The following UPF3B variants were observed in gnomAD, a reference collection of about 807,000 sequenced individuals.
UPF3B encodes the protein UPF3B regulator of nonsense mediated mRNA decay.
In UPF3B, 7 loss-of-function variants were observed where a neutral mutation model predicts 40.3. The observed-to-expected ratio is 0.17, with a 90% CI of 0.10 to 0.33. The LOEUF (loss-of-function observed/expected upper bound fraction) is 0.33. Ranked by LOEUF, UPF3B falls within the 10% of genes least tolerant of loss-of-function variation. The pLI, the probability that UPF3B is intolerant of heterozygous loss-of-function variation, is 1.00. For synonymous variants in UPF3B, 117 were observed against 117.3 expected, an observed-to-expected ratio of 1.00 and a Z score of 0.01; for missense variants, 229 against 358.9, an observed-to-expected ratio of 0.64 and a Z score of 2.93.
chrX:119,817,126 C>T (rs959198576), intron 4 of UPF3B, among the ~76,000 whole-genome samples: 2 of 110,967 alleles, frequency 1.8e-5, no homozygotes, highest in Non-Finnish European at 3.8e-5. Context: ...GGCATAAGCA[C>T]ACCCAGCTAA....
intron 3 of UPF3B, among the ~76,000 whole-genome samples, chrX:119,850,056 G>C (rs1361166353): frequency 1.0e-5 from 1 of 96,606 alleles, no homozygotes; most frequent in East Asian, 3.3e-4. Context: ...TTGGGAGGCT[G>C]AGGTGGGGGG....
In UPF3B at chrX:119,837,898, C is replaced by T. The variant is rs3207452; in HGVS notation, c.1161G>A (p.Lys387=). The change falls in exon 10 of 11, where the codon AAG becomes AAA. Residue 387 remains lysine, a synonymous_variant. Transcript: ENST00000276201. ...KERYEKEKTF[K]RKEEEMKKEK... ...CTTTTTTCATTTCTTCTTCTTTTCTCTTAAAAGTCTTCTCTTTCTCATAGC... is the reference window on the plus strand; with the variant it reads ...CTTTTTTCATTTCTTCTTCTTTTCTTTTAAAAGTCTTCTCTTTCTCATAGC... 8.3e-6 allele frequency: 10 copies of T among 1,210,908 alleles called. No individual in the cohort carries two copies. The highest frequency in any genetic ancestry group is 1.1e-5 in the Non-Finnish European group (10 of 895,456).
At chrX:119,831,168 C>T (rs1416347493), downstream of UPF3B, among the ~76,000 whole-genome samples, 1 of 111,668 alleles carries the variant, frequency 9.0e-6, no homozygotes, top group Non-Finnish European at 1.9e-5. Context: ...ATAAAACTTA[C>T]TCCTCTGCCG....
chrX:119,846,958 T>C (rs1439418440), intron 3 of UPF3B, among the ~76,000 whole-genome samples: 1 of 112,218 alleles, frequency 8.9e-6, no homozygotes, highest in Non-Finnish European at 1.9e-5. Context: ...ATTTAAAAAA[T>C]GGTCAAAAGA....
intron 4 of UPF3B, among the ~76,000 whole-genome samples, chrX:119,822,033 A>G (rs1323506403): frequency 8.9e-6 from 1 of 112,091 alleles, no homozygotes; most frequent in Non-Finnish European, 1.9e-5. Flanking sequence ...GAATCCAACA[A>G]GGACTACATT....
chrX:119,831,593 A>T, downstream of UPF3B: 1 of 546,412 alleles, frequency 1.8e-6, no homozygotes, highest in Non-Finnish European at 2.2e-6. Context: ...TGCTGGGATT[A>T]CAGGTGTGCG....
At chrX:119,830,012 C>A (rs779025954), downstream of UPF3B, among the ~76,000 whole-genome samples, 1 of 111,810 alleles carries the variant, frequency 8.9e-6, no homozygotes, top group African/African-American at 3.3e-5. Context: ...TTAATCCTGT[C>A]GCCCAGCTGA....
chrX:119,805,868 C>G, intron 6 of UPF3B, among the ~76,000 whole-genome samples: 1 of 79,029 alleles, frequency 1.3e-5, no homozygotes, highest in East Asian at 4.1e-4. Context: ...AATAGGAACA[C>G]TTTTACACTG....
rs2056119028 is a variant in UPF3B at position 119,837,952 on chromosome X, T to C, written c.1107A>G (p.Gln369=). The change falls in exon 10 of 11, where the codon CAA becomes CAG. Residue 369 remains glutamine, a synonymous_variant. Coordinates refer to ENST00000276201, the MANE Select transcript of UPF3B (RefSeq NM_080632.3). ...CCTTCTGCCTACGGCGCTCTTCTTC[T>C]TGCCGCTTCAGCCTCTCTCTTTCTC... ...ILRERERLKR[Q]EEERRRQKER... 2.5e-6 allele frequency: 3 copies of C among 1,209,164 alleles called. No individual in the cohort carries two copies. The highest frequency in any genetic ancestry group is 3.4e-6 in the Non-Finnish European group (3 of 895,267).
chrX:119,851,765 AC>A lies in UPF3B; in HGVS notation c.263+1del. Reference sequence around the variant, plus strand: ...CCCCTTTCCTTTTTTTTTTTTTTTTACCTCGTATCATTAGAAAAAAACTCAA... The same window carrying A: ...CCCCTTTCCTTTTTTTTTTTTTTTTACTCGTATCATTAGAAAAAAACTCAA... On this transcript the variant is annotated splice_donor_variant, in intron 2 of 10. Coordinates refer to ENST00000276201, the MANE Select transcript of UPF3B (RefSeq NM_080632.3). LOFTEE classifies it high-confidence loss of function. 1 of 325,430 alleles carries A rather than the reference AC, an allele frequency of 3.1e-6. No homozygotes were observed. The highest frequency in any genetic ancestry group is 3.9e-6 in the Non-Finnish European group (1 of 258,628). 26.8% of individuals were successfully genotyped at this position (325,430 alleles called of 1,213,427 possible).
intron 10 of UPF3B, 47 bp downstream of exon 10, chrX:119,837,710 G>T (rs750702020): frequency 8.4e-7 from 1 of 1,184,477 alleles, no homozygotes; most frequent in Non-Finnish European, 1.1e-6. Context: ...ACACTTGCAG[G>T]AAAAGGGAAA....
rs187875616 is a variant in UPF3B at position 119,847,619 on chromosome X, T to C, written c.371-2323A>G. The stretch of plus-strand genomic sequence containing the variant: ...CGTCTCTACCACAAACATAAAAAAT[T>C]AGCAGGGTGTGGTGGCAGGTGTCTG... On this transcript the variant is annotated intron_variant, in intron 3 of 10. Transcript: ENST00000276201. 3.1e-3 allele frequency among the ~76,000 whole-genome samples: 338 copies of C among 108,953 alleles called. 3 individuals carry two copies. Among genetic ancestry groups the C allele is most frequent in the African/African-American group, 0.01 (312 of 29,891 alleles). The allele number at this position is 108,953 out of a possible 115,157, so 94.6% of individuals were successfully genotyped here. A position where few individuals can be genotyped will look rare whatever the true frequency, so the allele number is the denominator to read the frequency against.
At chrX:119,824,302 C>T (rs1391084402) in intron 3 of UPF3B, among the ~76,000 whole-genome samples, 1 of 98,455 alleles carries the variant, frequency 1.0e-5, no homozygotes, top group Non-Finnish European at 2.0e-5. Flanking sequence ...ATGAGTTCAA[C>T]ACAGACAAGG....
At chrX:119,831,467 T>C (rs2056035935), downstream of UPF3B, among the ~76,000 whole-genome samples, 1 of 110,957 alleles carries the variant, frequency 9.0e-6, no homozygotes. Flanking sequence ...TACAGGCACC[T>C]GCCCCGACAC....
At chrX:119,805,636 T>G (rs1169013123) in intron 6 of UPF3B, among the ~76,000 whole-genome samples, 1 of 109,040 alleles carries the variant, frequency 9.2e-6, no homozygotes, top group Non-Finnish European at 1.9e-5. Context: ...CAAATAAATT[T>G]ACAAGAAAAA....
In UPF3B at chrX:119,839,686, A is replaced by C. The variant is rs1439480489; in HGVS notation, c.846+960T>G. Among the ~76,000 whole-genome samples, 6 of 112,125 alleles carry C rather than the reference A, an allele frequency of 5.4e-5. No individual in the cohort carries two copies. The Admixed American group carries it at 5.7e-4, about 11-fold the overall frequency. ...AAGCACAAAGCATTTTGGCACACAG[A>C]CAGCCACTGCAAATGGTGAGTCCAA... On this transcript the variant is annotated intron_variant, in intron 8 of 10. Transcript: ENST00000276201.
chrX:119,815,437 G>T, intron 4 of UPF3B: 1 of 159,617 alleles, frequency 6.3e-6, no homozygotes, highest in Non-Finnish European at 1.0e-5. Flanking sequence ...GTGAAGGCAT[G>T]GTAAATGACA....
rs767136594 is a variant in UPF3B, at chrX:119,851,611, G to A, written c.264-10C>T. 9 of 1,144,224 alleles carry A rather than the reference G, an allele frequency of 7.9e-6. No individual in the cohort carries two copies. The highest frequency in any genetic ancestry group is 1.1e-5 in the Non-Finnish European group (9 of 834,528). 94.3% of individuals were successfully genotyped at this position (1,144,224 alleles called of 1,213,427 possible). On this transcript the variant is annotated splice_polypyrimidine_tract_variant and intron_variant, in intron 2 of 10. Transcript: ENST00000276201. Reference sequence around the variant, plus strand: ...CATATGAGGATACAAACTGCAGAGAGGAAAGCAATTATGTAAATGTACTCG... The same window carrying A: ...CATATGAGGATACAAACTGCAGAGAAGAAAGCAATTATGTAAATGTACTCG...
intron 4 of UPF3B, among the ~76,000 whole-genome samples, chrX:119,819,588 G>A (rs1022969690): frequency 9.0e-6 from 1 of 111,144 alleles, no homozygotes; most frequent in Non-Finnish European, 1.9e-5. Context: ...TCTGTAAAGG[G>A]CAACCATTTC....
Sources: gnomAD v4.1 joint callset for allele counts (sites outside exome capture counted in the v4.1 genomes callset) on GRCh38, gnomAD v4.1.1 for gene constraint, MANE v1.5 for transcripts, NCBI Gene and HGNC (gene_info 2026-07-23, HGNC 2026-07-21) for gene names.